The following TLK1 variants were observed in gnomAD, a reference collection of about 807,000 sequenced individuals.
The protein encoded by TLK1 is serine/threonine-protein kinase tousled-like 1.
A neutral mutation model predicts 105.3 loss-of-function variants in TLK1; 24 were observed. The observed-to-expected ratio is 0.23, with a 90% CI of 0.17 to 0.32. The LOEUF is 0.32. TLK1 is among the 10% of genes least tolerant of loss of function. The pLI, the probability that TLK1 is intolerant of heterozygous loss-of-function variation, is 1.00. For synonymous variants in TLK1, 321 were observed against 310.4 expected (o/e 1.03, Z -0.36); for missense variants, 558 against 910.5 (o/e 0.61, Z 4.98).
chr2:171,057,123 C>G (rs5028603), intron 5 of TLK1, among the ~76,000 whole-genome samples: 86,938 of 151,786 alleles, frequency 0.57, 26,817 homozygotes, highest in East Asian at 0.95. Context: ...CATGACTTAG[C>G]TGCATATGAA....
intron 2 of TLK1, among the ~76,000 whole-genome samples, chr2:171,094,024 T>C (rs1689350120): frequency 6.6e-6 from 1 of 152,136 alleles, no homozygotes. Flanking sequence ...TACAGGTAAT[T>C]TAAGGAGCCT....
chr2:171,004,428 A>T (rs1275761096), intron 18 of TLK1, among the ~76,000 whole-genome samples: 2 of 152,336 alleles, frequency 1.3e-5, no homozygotes, highest in African/African-American at 4.8e-5. Context: ...GTACATAGCT[A>T]AACAACTAAT....
intron 1 of TLK1, among the ~76,000 whole-genome samples, chr2:171,230,384 A>T (rs772199573): frequency 6.6e-6 from 1 of 152,172 alleles, no homozygotes; most frequent in Admixed American, 6.6e-5. Flanking sequence ...GAGTCATAAG[A>T]CTTTTAAGAC....
intron 7 of TLK1, 50 bp from the exon 8 acceptor site, chr2:171,053,903 A>G: frequency 7.4e-7 from 1 of 1,352,264 alleles, no homozygotes; most frequent in East Asian, 2.5e-5. Context: ...TGTTGTTTCA[A>G]GCAAACATAA....
rs1005480185 is a variant in TLK1 at position 171,067,456 on chromosome 2, C to T, written c.331-6300G>A. ...GACTACAGGCATGAGCCACCACGCC[C>T]GGCCACACACTTAGATTTTTAAAGA... is the stretch of plus-strand genomic sequence containing the variant. On this transcript the variant is annotated intron_variant, in intron 3 of 20. Transcript: ENST00000431350. Among the ~76,000 whole-genome samples, 6 of 152,006 alleles carry T rather than the reference C, an allele frequency of 3.9e-5. No homozygotes were observed. In the South Asian group the frequency reaches 1.2e-3, roughly 32 times the overall value.
In TLK1 at chr2:171,093,901, G is replaced by A. The variant is rs143674327; in HGVS notation, c.259-11049C>T. Among the ~76,000 whole-genome samples, 141 of 150,466 alleles carry A rather than the reference G, an allele frequency of 9.4e-4. 1 individual carries two copies. In the Middle Eastern group the frequency reaches 0.01, roughly 11 times the overall value. On this transcript the variant is annotated intron_variant, in intron 2 of 20. Coordinates refer to ENST00000431350, the MANE Select transcript of TLK1 (RefSeq NM_012290.5). ...CTGCTCTAGACGCCACCTGATTGTA[G>A]CCAACACCAGGAGTAAGAGAAGGGA...
intron 12 of TLK1, among the ~76,000 whole-genome samples, chr2:171,015,420 AC>A (rs1685129993): frequency 9.8e-5 from 1 of 10,220 alleles, no homozygotes; most frequent in Admixed American, 2.3e-3. Context: ...GTACAAACAC[AC>A]ACACACACAC....
At position 171,160,221 on chromosome 2, in the gene TLK1, G is replaced by GGGGGCGGGT; in HGVS notation, c.139+68_139+69insACCCGCCCC. ...GAAGCCCCGGGGCGGGGGGGGCGGGGGGGGGGCGCGGGGGTCCGCGGCGCG... is the reference window on the plus strand; with the variant it reads ...GAAGCCCCGGGGCGGGGGGGGCGGGGGGGGCGGGTGGGGGGCGCGGGGGTCCGCGGCGCG... On this transcript the variant is annotated intron_variant, in intron 1 of 20. Coordinates refer to ENST00000431350, the MANE Select transcript of TLK1 (RefSeq NM_012290.5). The surrounding 1 kb of genome is among the most constrained non-coding windows in gnomAD (Gnocchi z 4.4). 1 of 1,274,782 alleles carries GGGGGCGGGT rather than the reference G, an allele frequency of 7.8e-7. No homozygotes were observed. Among genetic ancestry groups the GGGGGCGGGT allele is most frequent in the Non-Finnish European group, 1.0e-6 (1 of 1,004,072 alleles). 79.0% of individuals were successfully genotyped at this position (1,274,782 alleles called of 1,614,324 possible). A position where few individuals can be genotyped will look rare whatever the true frequency, so the allele number is the denominator to read the frequency against.
At chr2:171,173,278 GA>G (rs773674000) in intron 1 of TLK1, among the ~76,000 whole-genome samples, 28 of 152,140 alleles carry the variant, frequency 1.8e-4, no homozygotes, top group Non-Finnish European at 3.7e-4. Context: ...ACACACAAAT[GA>G]TATATATGCA....
chr2:171,226,452 C>A (rs1024558994), intron 1 of TLK1, among the ~76,000 whole-genome samples: 3 of 152,016 alleles, frequency 2.0e-5, no homozygotes, highest in Admixed American at 6.6e-5. Flanking sequence ...GGCTGAAAAC[C>A]CCATAAGAAA....
At chr2:171,115,170 C>CTTTTTTTTTTTTTTTTTTTTT (rs373796060) in intron 2 of TLK1, among the ~76,000 whole-genome samples, 5 of 135,770 alleles carry the variant, frequency 3.7e-5, no homozygotes, top group African/African-American at 9.1e-5. Context: ...TTAAGAATTT[C>CTTTTTTTTTTTTTTTTTTTTT]TTTCTTTTTT....
Position 171,015,697 on chromosome 2 carries a change from A to G in TLK1, c.1237-749T>C, listed in dbSNP as rs1234101402. Among the ~76,000 whole-genome samples the G allele has an allele frequency of 1.1e-3, 4 of 3,642 alleles. No individual in the cohort carries two copies. The Admixed American group carries it at 0.015, about 13-fold the overall frequency. The allele number at this position is 3,642 out of a possible 152,430, so 2.4% of individuals were successfully genotyped here. A position where few individuals can be genotyped will look rare whatever the true frequency, so the allele number is the denominator to read the frequency against. On this transcript the variant is annotated intron_variant, in intron 12 of 20. Coordinates refer to ENST00000431350, the MANE Select transcript of TLK1 (RefSeq NM_012290.5). ...TCATGTCATTCATTCATACACACAC[A>G]CATATACACACACACACACACACAC... is the stretch of plus-strand genomic sequence containing the variant.
chr2:171,079,666 T>C (rs1428451136), intron 3 of TLK1, among the ~76,000 whole-genome samples: 1 of 152,192 alleles, frequency 6.6e-6, no homozygotes, highest in African/African-American at 2.4e-5. Context: ...TTCTATTTAA[T>C]TCCACATTTA....
chr2:171,024,485 G>A (rs541984573), intron 12 of TLK1, among the ~76,000 whole-genome samples: 135 of 152,078 alleles, frequency 8.9e-4, no homozygotes, highest in Non-Finnish European at 1.7e-3. Flanking sequence ...GAAATAGCAC[G>A]TTCATCCCGC....
chr2:171,161,351 T>C (rs1284362864), upstream of TLK1, among the ~76,000 whole-genome samples: 1 of 152,106 alleles, frequency 6.6e-6, no homozygotes, highest in African/African-American at 2.4e-5. Context: ...AATGTGATCG[T>C]TTCTCAAAAT....
chr2:171,213,968 T>A (rs971925252), intron 1 of TLK1, among the ~76,000 whole-genome samples: 1 of 151,532 alleles, frequency 6.6e-6, no homozygotes, highest in Non-Finnish European at 1.5e-5. Flanking sequence ...ATATCTTTCT[T>A]GAGGAGTGTG....
Position 171,160,727 on chromosome 2 carries a change from A to G in TLK1, c.-299T>C. Reference sequence around the variant, plus strand: ...GCGGCGGAGGCGTCGAGGGGGTGCCAGCCGGGCCGGGGTCGGAGCGCGGGC... The same window carrying G: ...GCGGCGGAGGCGTCGAGGGGGTGCCGGCCGGGCCGGGGTCGGAGCGCGGGC... On this transcript the variant is annotated 5_prime_UTR_variant, in exon 1 of 21. Coordinates refer to ENST00000431350, the MANE Select transcript of TLK1 (RefSeq NM_012290.5). This position sits in a 1 kb window ranked among gnomAD's most constrained non-coding sequence, Gnocchi z 4.4. 6.7e-6 allele frequency: 3 copies of G among 450,136 alleles called. No individual in the cohort carries two copies. Among genetic ancestry groups the G allele is most frequent in the Non-Finnish European group, 1.1e-5 (3 of 263,756 alleles). The allele number at this position is 450,136 out of a possible 1,614,324, so 27.9% of individuals were successfully genotyped here.
At chr2:171,033,356 C>G (rs1686142019) in intron 11 of TLK1, among the ~76,000 whole-genome samples, 1 of 151,868 alleles carries the variant, frequency 6.6e-6, no homozygotes, top group South Asian at 2.1e-4. Context: ...AAATTAAAAA[C>G]ATTAAAAATT....
intron 1 of TLK1, among the ~76,000 whole-genome samples, chr2:171,138,382 G>A (rs10197081): frequency 0.25 from 38,687 of 152,096 alleles, 5,179 homozygotes; most frequent in Middle Eastern, 0.35. Flanking sequence ...TCCTAGCACA[G>A]AGGCTCCCAT....
Sources: allele counts gnomAD v4.1 joint callset (sites outside exome capture counted in the v4.1 genomes callset), GRCh38; gene constraint gnomAD v4.1.1; non-coding constraint Gnocchi (gnomAD v3.1); transcripts MANE v1.5; gene names NCBI Gene and HGNC (gene_info 2026-07-23, HGNC 2026-07-21).